Variants in CDC14A observed in about 807,000 individuals in gnomAD.
The protein encoded by CDC14A is cell division cycle 14A, also known as dual specificity protein phosphatase CDC14A.
CDC14A carries 53 observed loss-of-function variants against 74.4 expected under a neutral mutation model. The observed-to-expected ratio is 0.71, with a 90% CI of 0.57 to 0.89. The LOEUF (loss-of-function observed/expected upper bound fraction) is 0.89. Among genes scored for constraint, CDC14A ranks in the 40% least tolerant of loss-of-function variants. The pLI is 0.00. For missense variants in CDC14A, 646 were observed against 713.7 expected, an observed-to-expected ratio of 0.91 and a Z score of 1.08; for synonymous variants, 247 against 258.4, an observed-to-expected ratio of 0.96 and a Z score of 0.43.
At chr1:100,436,689 G>T (rs1423684786) in intron 5 of CDC14A, among the ~76,000 whole-genome samples, 1 of 152,104 alleles carries the variant, frequency 6.6e-6, no homozygotes, top group Non-Finnish European at 1.5e-5. Flanking sequence ...GCCTCCCAAA[G>T]TGCTGGGATT....
chr1:100,486,848 G>A (rs926168004), intron 11 of CDC14A, among the ~76,000 whole-genome samples: 1 of 152,146 alleles, frequency 6.6e-6, no homozygotes, highest in Non-Finnish European at 1.5e-5. Context: ...TACTTTATTA[G>A]CTAGTTAATG....
At chr1:100,365,964 A>G (rs1653537120) in intron 2 of CDC14A, among the ~76,000 whole-genome samples, 1 of 152,020 alleles carries the variant, frequency 6.6e-6, no homozygotes, top group African/African-American at 2.4e-5. Context: ...ACACACACAC[A>G]CACACACACA....
Position 100,352,841 on chromosome 1 carries a change from G to A in CDC14A, c.-114G>A. ...GGCGCCTGCTGCCTCCCTCGGCCAG[G>A]CTTGTTGTTCGGGACTGTGAGCTTC... is the stretch of plus-strand genomic sequence containing the variant. On this transcript the variant is annotated 5_prime_UTR_variant, in exon 1 of 16. Transcript: ENST00000336454. 1 of 1,547,072 alleles carries A rather than the reference G, an allele frequency of 6.5e-7. No individual in the cohort carries two copies. The highest frequency in any genetic ancestry group is 8.7e-7 in the Non-Finnish European group (1 of 1,150,514).
chr1:100,506,206 G>T (rs973474750), intron 15 of CDC14A, among the ~76,000 whole-genome samples: 2 of 152,072 alleles, frequency 1.3e-5, no homozygotes, highest in African/African-American at 4.8e-5. Flanking sequence ...TATTAACTAG[G>T]TGTTAATATT....
At chr1:100,395,489 A>G (rs961233932) in intron 4 of CDC14A, among the ~76,000 whole-genome samples, 5 of 152,148 alleles carry the variant, frequency 3.3e-5, no homozygotes, top group Admixed American at 2.0e-4. Context: ...GGTCAGCTCT[A>G]CCTCTAAAAC....
intron 2 of CDC14A, among the ~76,000 whole-genome samples, chr1:100,356,224 T>G (rs987448046): frequency 6.6e-6 from 1 of 152,186 alleles, no homozygotes; most frequent in East Asian, 1.9e-4. Context: ...CTTGAGGGAT[T>G]TGGGGCAGCC....
At chr1:100,382,784 C>T (rs1571014500) in intron 3 of CDC14A, among the ~76,000 whole-genome samples, 1 of 152,124 alleles carries the variant, frequency 6.6e-6, no homozygotes, top group African/African-American at 2.4e-5. Context: ...ATAGCCCTTT[C>T]AGGGTAAAAG....
At chr1:100,392,977 A>T in intron 4 of CDC14A, 1 of 1,161,334 alleles carries the variant, frequency 8.6e-7, no homozygotes, top group Non-Finnish European at 1.2e-6. Context: ...ACAGTTCATT[A>T]AAAGTTCAGA....
Position 100,482,352 on chromosome 1 carries a change from A to G in CDC14A, c.978-1940A>G, listed in dbSNP as rs577889233. 1.6e-4 allele frequency among the ~76,000 whole-genome samples: 25 copies of G among 152,304 alleles called. No homozygotes were observed. The South Asian group carries it at 5.2e-3, about 32-fold the overall frequency. ...GCCCATCTCTCATAGCCTCTGCTTC[A>G]GCCAAATTAAACAATTCATGTTCAT... On this transcript the variant is annotated intron_variant, in intron 10 of 15. Coordinates refer to ENST00000336454, the MANE Select transcript of CDC14A (RefSeq NM_003672.4).
At chr1:100,504,932 T>C (rs1406730670) in intron 15 of CDC14A, 1 of 1,530,350 alleles carries the variant, frequency 6.5e-7, no homozygotes, top group African/African-American at 1.4e-5. Flanking sequence ...TGTGAAGCTC[T>C]CCCCAGTAAG....
At chr1:100,444,567 G>A (rs1665323491) in intron 7 of CDC14A, among the ~76,000 whole-genome samples, 1 of 152,126 alleles carries the variant, frequency 6.6e-6, no homozygotes, top group Non-Finnish European at 1.5e-5. Context: ...AAACTGCTTA[G>A]TTACTGTTTC....
chr1:100,354,657 G>A (rs1448300063), intron 2 of CDC14A, among the ~76,000 whole-genome samples: 1 of 152,190 alleles, frequency 6.6e-6, no homozygotes, highest in Non-Finnish European at 1.5e-5. Flanking sequence ...AAATAAGAAG[G>A]CTGAATTGAC....
chr1:100,391,733 C>T (rs1019439736), intron 4 of CDC14A, among the ~76,000 whole-genome samples: 1 of 152,172 alleles, frequency 6.6e-6, no homozygotes, highest in African/African-American at 2.4e-5. Flanking sequence ...GCCCCATCAA[C>T]CCAAAAGCTC....
chr1:100,423,065 G>A lies in CDC14A; in HGVS notation c.310-1157G>A, dbSNP rs565840807. 1.1e-4 allele frequency among the ~76,000 whole-genome samples: 16 copies of A among 152,242 alleles called. No individual in the cohort carries two copies. The East Asian group carries it at 2.7e-3, about 26-fold the overall frequency. On this transcript the variant is annotated intron_variant, in intron 4 of 15. Transcript: ENST00000336454. ...ATTAAGCTCGTTTCTGACTATAGAG[G>A]AAAAGGACCAAGACCATCGGCTCAG...
intron 4 of CDC14A, among the ~76,000 whole-genome samples, chr1:100,407,847 C>G (rs988101968): frequency 6.6e-6 from 1 of 151,930 alleles, no homozygotes; most frequent in South Asian, 2.1e-4. Context: ...AAGTTGACTT[C>G]GTAATTGTAC....
intron 4 of CDC14A, among the ~76,000 whole-genome samples, chr1:100,400,102 G>T (rs1005740539): frequency 6.6e-6 from 1 of 152,206 alleles, no homozygotes; most frequent in African/African-American, 2.4e-5. Context: ...GCCGTCTGCT[G>T]AGTATACAGA....
At chr1:100,490,526 C>T (rs980749207) in intron 11 of CDC14A, among the ~76,000 whole-genome samples, 2 of 152,120 alleles carry the variant, frequency 1.3e-5, no homozygotes, top group African/African-American at 4.8e-5. Context: ...TTTCCTCCTT[C>T]TTCCCTCTCC....
chr1:100,427,270 A>G (rs562583289), intron 5 of CDC14A, among the ~76,000 whole-genome samples: 1 of 152,288 alleles, frequency 6.6e-6, no homozygotes, highest in East Asian at 1.9e-4. Context: ...TAATTGTTTT[A>G]TTATTTAAAA....
intron 4 of CDC14A, among the ~76,000 whole-genome samples, chr1:100,413,536 A>T (rs1661141730): frequency 6.6e-6 from 1 of 152,212 alleles, no homozygotes; most frequent in Non-Finnish European, 1.5e-5. Context: ...ACTAAAATAA[A>T]TACATTGGGT....
Sources: allele counts gnomAD v4.1 joint callset (sites outside exome capture counted in the v4.1 genomes callset), GRCh38; gene constraint gnomAD v4.1.1; transcripts MANE v1.5; gene names NCBI Gene and HGNC (gene_info 2026-07-23, HGNC 2026-07-21).